The following SDK1 variants were observed in gnomAD, a reference collection of about 807,000 sequenced individuals.
SDK1 encodes protein sidekick-1.
A neutral mutation model predicts 245.5 loss-of-function variants in SDK1; 157 were observed. The ratio of observed to expected loss-of-function variants is 0.64; its 90% CI spans 0.56 to 0.73. The LOEUF is 0.73. SDK1 is among the 30% of genes least tolerant of loss of function. The pLI is 0.00. For synonymous variants in SDK1, 1,647 were observed against 1,278.5 expected, an observed-to-expected ratio of 1.29 and a Z score of -6.15; for missense variants, 3,583 against 3,002.3, an observed-to-expected ratio of 1.19 and a Z score of -4.52.
intron 7 of SDK1, among the ~76,000 whole-genome samples, chr7:3,956,332 T>C (rs767779586): frequency 7.2e-5 from 11 of 152,214 alleles, no homozygotes; most frequent in Non-Finnish European, 1.5e-4. Flanking sequence ...CCTCCGGTTC[T>C]TTGCCTTAGA....
intron 1 of SDK1, among the ~76,000 whole-genome samples, chr7:3,333,305 G>C (rs377377322): frequency 1.3e-5 from 2 of 152,278 alleles, no homozygotes; most frequent in South Asian, 2.1e-4. Flanking sequence ...TTCTAGGGAG[G>C]TCACTGGTGT....
intron 30 of SDK1, among the ~76,000 whole-genome samples, chr7:4,153,272 T>G (rs1368196634): frequency 1.3e-5 from 2 of 152,282 alleles, no homozygotes; most frequent in South Asian, 2.1e-4. Context: ...TAATGTAATT[T>G]TTTAAAAATA....
chr7:4,164,414 C>A (rs1051554709), intron 32 of SDK1, among the ~76,000 whole-genome samples: 1 of 151,986 alleles, frequency 6.6e-6, no homozygotes, highest in African/African-American at 2.4e-5. Context: ...CCCCCAGACC[C>A]GAGCTTCAGC....
intron 4 of SDK1, among the ~76,000 whole-genome samples, chr7:3,647,789 T>C (rs1401214027): frequency 6.6e-6 from 1 of 152,090 alleles, no homozygotes; most frequent in Non-Finnish European, 1.5e-5. Flanking sequence ...CCTCTTGGTA[T>C]GCATAGGAGA....
chr7:3,696,277 C>T (rs1733437926), intron 4 of SDK1, among the ~76,000 whole-genome samples: 1 of 152,058 alleles, frequency 6.6e-6, no homozygotes, highest in South Asian at 2.1e-4. Flanking sequence ...TGATCTTGGT[C>T]ATCCTCCACT....
chr7:4,201,437 A>C (rs1377839295), intron 35 of SDK1, among the ~76,000 whole-genome samples: 1 of 152,242 alleles, frequency 6.6e-6, no homozygotes, highest in Non-Finnish European at 1.5e-5. Context: ...TCATTAAAGC[A>C]AACTGAGGAA....
chr7:3,860,008 C>T (rs1352818242), intron 5 of SDK1, among the ~76,000 whole-genome samples: 1 of 151,970 alleles, frequency 6.6e-6, no homozygotes, highest in African/African-American at 2.4e-5. Flanking sequence ...CAAGCTCCAC[C>T]TCCCAGGTTC....
intron 7 of SDK1, among the ~76,000 whole-genome samples, chr7:3,954,935 G>T (rs1350005201): frequency 6.6e-6 from 1 of 152,008 alleles, no homozygotes; most frequent in Non-Finnish European, 1.5e-5. Flanking sequence ...CTGGAATCAG[G>T]ATGTGCCTCA....
chr7:4,255,042 A>T (rs1014916941), intron 44 of SDK1, among the ~76,000 whole-genome samples: 1 of 152,230 alleles, frequency 6.6e-6, no homozygotes, highest in South Asian at 2.1e-4. Context: ...TTTCTGATCC[A>T]GTTGAAGTCC....
At chr7:4,160,035 C>T (rs1213399066) in intron 31 of SDK1, among the ~76,000 whole-genome samples, 1 of 152,140 alleles carries the variant, frequency 6.6e-6, no homozygotes, top group Non-Finnish European at 1.5e-5. Context: ...AATACTGCAC[C>T]ACTTTATTGT....
At chr7:3,597,757 G>A (rs1446338337) in intron 1 of SDK1, among the ~76,000 whole-genome samples, 1 of 152,192 alleles carries the variant, frequency 6.6e-6, no homozygotes, top group African/African-American at 2.4e-5. Flanking sequence ...AGTACAGACA[G>A]TTTTGTTTTT....
intron 1 of SDK1, among the ~76,000 whole-genome samples, chr7:3,426,465 C>T (rs1419021498): frequency 6.6e-6 from 1 of 152,178 alleles, no homozygotes; most frequent in African/African-American, 2.4e-5. Flanking sequence ...CCTCATTTCC[C>T]TTCTCTCTAA....
At chr7:3,927,833 C>T (rs1407648114) in intron 5 of SDK1, among the ~76,000 whole-genome samples, 1 of 152,226 alleles carries the variant, frequency 6.6e-6, no homozygotes, top group Non-Finnish European at 1.5e-5. Context: ...TAATGGAAAT[C>T]GTGGTTGCAA....
chr7:3,597,132 TGTG>T (rs780496931), intron 1 of SDK1, among the ~76,000 whole-genome samples: 3 of 151,614 alleles, frequency 2.0e-5, no homozygotes, highest in Non-Finnish European at 4.4e-5. Context: ...ATTAGCCGGA[TGTG>T]GTGGCGGGTG....
intron 12 of SDK1, among the ~76,000 whole-genome samples, chr7:3,972,227 C>G (rs1782544410): frequency 6.6e-6 from 1 of 151,994 alleles, no homozygotes; most frequent in Non-Finnish European, 1.5e-5. Flanking sequence ...CTACAAGTGC[C>G]TGCCACCACT....
intron 4 of SDK1, among the ~76,000 whole-genome samples, chr7:3,699,874 C>G (rs540068874): frequency 6.6e-6 from 1 of 151,970 alleles, no homozygotes; most frequent in Non-Finnish European, 1.5e-5. Flanking sequence ...ATCCCAAGAT[C>G]AAAGAAATGC....
chr7:3,915,540 C>T (rs1779344063), intron 5 of SDK1, among the ~76,000 whole-genome samples: 1 of 152,194 alleles, frequency 6.6e-6, no homozygotes, highest in African/African-American at 2.4e-5. Context: ...CCATGTAAGA[C>T]ATCCTTTTGC....
At chr7:4,138,731 A>G (rs1158986049) in intron 28 of SDK1, among the ~76,000 whole-genome samples, 1 of 143,612 alleles carries the variant, frequency 7.0e-6, no homozygotes, top group Non-Finnish European at 1.5e-5. Context: ...CTGGGCAACA[A>G]TAGTGAAACT....
chr7:3,305,537 T>C (rs1204038451), intron 1 of SDK1, among the ~76,000 whole-genome samples: 2 of 152,086 alleles, frequency 1.3e-5, no homozygotes, highest in South Asian at 2.1e-4. Flanking sequence ...TTTGGGCCCA[T>C]GTTGCTTTCC....
Sources: gnomAD v4.1 joint callset for allele counts (sites outside exome capture counted in the v4.1 genomes callset) on GRCh38, gnomAD v4.1.1 for gene constraint, MANE v1.5 for transcripts, NCBI Gene and HGNC (gene_info 2026-07-23, HGNC 2026-07-21) for gene names.